Variants in DNM3 observed in about 807,000 individuals in gnomAD.
DNM3 encodes the protein dynamin-3.
A neutral mutation model predicts 101.6 loss-of-function variants in DNM3; 47 were observed. The ratio of observed to expected loss-of-function variants is 0.46; its 90% confidence interval spans 0.37 to 0.59. DNM3 has a LOEUF of 0.59. Ranked by LOEUF, DNM3 falls within the 20% of genes least tolerant of loss-of-function variation. The pLI is 0.00. For synonymous variants in DNM3, 385 were observed against 387.9 expected (o/e 0.99, Z 0.09); for missense variants, 849 against 1,085.7 (o/e 0.78, Z 3.06).
At chr1:171,951,661 C>T (rs191027633) in intron 2 of DNM3, among the ~76,000 whole-genome samples, 22 of 152,312 alleles carry the variant, frequency 1.4e-4, no homozygotes, top group Non-Finnish European at 1.5e-5. Context: ...GTTCCCCCAA[C>T]ATCCTTACTG....
intron 1 of DNM3, among the ~76,000 whole-genome samples, chr1:171,895,549 G>A (rs1283651625): frequency 1.3e-5 from 2 of 152,196 alleles, no homozygotes. Context: ...CCCTTTGTCA[G>A]ATGGGTAGAT....
At chr1:172,413,336 C>T (rs2071312185), downstream of DNM3, among the ~76,000 whole-genome samples, 2 of 152,194 alleles carry the variant, frequency 1.3e-5, no homozygotes, top group Non-Finnish European at 2.9e-5. Flanking sequence ...ACGCCATTCT[C>T]CTGCCTCAGC....
At chr1:172,174,575 C>T (rs760161622) in intron 14 of DNM3, among the ~76,000 whole-genome samples, 1 of 151,614 alleles carries the variant, frequency 6.6e-6, no homozygotes, top group Non-Finnish European at 1.5e-5. Context: ...ACAAATGTCT[C>T]AGTGTTAGAG....
At chr1:172,152,502 C>T (rs2058174528) in intron 14 of DNM3, among the ~76,000 whole-genome samples, 1 of 152,016 alleles carries the variant, frequency 6.6e-6, no homozygotes, top group South Asian at 2.1e-4. Context: ...CCCTGTGATT[C>T]TTATACGGGT....
chr1:172,020,667 T>G (rs1179939571), intron 4 of DNM3, among the ~76,000 whole-genome samples: 1 of 127,204 alleles, frequency 7.9e-6, no homozygotes, highest in East Asian at 2.3e-4. Context: ...GAGCTTGCAG[T>G]GGGCCGAGAT....
chr1:172,374,698 C>G (rs1314426805), intron 17 of DNM3, among the ~76,000 whole-genome samples: 1 of 152,024 alleles, frequency 6.6e-6, no homozygotes, highest in East Asian at 1.9e-4. Flanking sequence ...ATTATGACGG[C>G]CCATGCTGCT....
chr1:172,089,257 G>A (rs2053745737), intron 12 of DNM3, among the ~76,000 whole-genome samples: 1 of 152,110 alleles, frequency 6.6e-6, no homozygotes, highest in Admixed American at 6.5e-5. Flanking sequence ...GTAGGCTTTT[G>A]ATAACAAGAA....
intron 15 of DNM3, among the ~76,000 whole-genome samples, chr1:172,307,994 C>A (rs946716776): frequency 6.6e-6 from 1 of 151,932 alleles, no homozygotes; most frequent in African/African-American, 2.4e-5. Flanking sequence ...ACGCTGTGCA[C>A]ATGTACCCTA....
chr1:172,081,321 CA>C (rs1231754033), intron 11 of DNM3, among the ~76,000 whole-genome samples: 5 of 152,072 alleles, frequency 3.3e-5, no homozygotes, highest in Non-Finnish European at 5.9e-5. Flanking sequence ...GTTGGCTGAT[CA>C]AATGCTTTCC....
chr1:171,940,751 T>C (rs1209360220), intron 2 of DNM3, among the ~76,000 whole-genome samples: 1 of 152,168 alleles, frequency 6.6e-6, no homozygotes, highest in Non-Finnish European at 1.5e-5. Context: ...TCAAAACCCT[T>C]TTTCTTGACA....
intron 17 of DNM3, among the ~76,000 whole-genome samples, chr1:172,375,774 T>A (rs190745488): frequency 7.4e-4 from 112 of 150,938 alleles, no homozygotes; most frequent in Middle Eastern, 3.4e-3. Context: ...CTTGGGAGGC[T>A]GAGGCGGGAC....
chr1:172,225,109 C>T (rs1458906970), intron 14 of DNM3, among the ~76,000 whole-genome samples: 1 of 147,988 alleles, frequency 6.8e-6, no homozygotes, highest in Non-Finnish European at 1.5e-5. Context: ...TCTTTGGTGG[C>T]ATGTCCCTCC....
chr1:172,169,236 A>G (rs1558670402), intron 14 of DNM3, among the ~76,000 whole-genome samples: 3 of 151,866 alleles, frequency 2.0e-5, no homozygotes, highest in East Asian at 1.9e-4. Context: ...CCAATTCTCC[A>G]TCAACCTGAA....
chr1:171,977,737 G>T (rs779198002), intron 2 of DNM3, among the ~76,000 whole-genome samples: 37 of 151,998 alleles, frequency 2.4e-4, no homozygotes, highest in Admixed American at 3.3e-4. Flanking sequence ...TACTCTTTCA[G>T]GCTCCCTTGC....
chr1:172,084,621 AT>A (rs1309701003), intron 12 of DNM3, among the ~76,000 whole-genome samples: 2 of 152,204 alleles, frequency 1.3e-5, no homozygotes, highest in Non-Finnish European at 2.9e-5. Context: ...AATTAAAAAA[AT>A]ATGGTTGTAG....
rs1170747210 is a variant in DNM3 at position 172,253,528 on chromosome 1, T to TG, written c.1660-45_1660-44insG. The stretch of plus-strand genomic sequence containing the variant: ...TCCTCTCCTCTCCTCTCCTCTCCTC[T>TG]CCTCTCCTCTCCTCTCCCTCTTTTC... On this transcript the variant is annotated intron_variant, in intron 14 of 20. Transcript: ENST00000627582. The TG allele has an allele frequency of 6.1e-6, 7 of 1,152,948 alleles. 1 individual carries two copies. Among genetic ancestry groups the TG allele is most frequent in the Non-Finnish European group, 8.5e-6 (7 of 826,016 alleles). The allele number at this position is 1,152,948 out of a possible 1,614,324, so 71.4% of individuals were successfully genotyped here. A position where few individuals can be genotyped will look rare whatever the true frequency, so the allele number is the denominator to read the frequency against.
chr1:172,252,278 T>G lies in DNM3; in HGVS notation c.1660-1295T>G, dbSNP rs549171517. Among the ~76,000 whole-genome samples the G allele has an allele frequency of 2.2e-4, 33 of 152,256 alleles. 1 individual carries two copies. In the South Asian group the frequency reaches 5.4e-3, roughly 25 times the overall value. On this transcript the variant is annotated intron_variant, in intron 14 of 20. Coordinates refer to ENST00000627582, the MANE Select transcript of DNM3 (RefSeq NM_015569.5). Reference sequence around the variant, plus strand: ...ATGCTACCTTTTTGCTATTCTAATGTGCTCTGCCCAACTTTTTTCTGATTA... The same window carrying G: ...ATGCTACCTTTTTGCTATTCTAATGGGCTCTGCCCAACTTTTTTCTGATTA...
chr1:172,211,480 G>A (rs2060512271), intron 14 of DNM3, among the ~76,000 whole-genome samples: 1 of 152,056 alleles, frequency 6.6e-6, no homozygotes, highest in African/African-American at 2.4e-5. Context: ...ACTTCTTAAT[G>A]CATTTTGCAG....
chr1:172,283,780 A>AAAAAAAAAAAAAAAAAAAAG lies in DNM3; in HGVS notation c.1770-24945_1770-24944insAAAAAAAAAAAAAAAAGAAA, dbSNP rs1553221113. ...ATCTCAAAAAAAAAAAAAAAAAAAA[A>AAAAAAAAAAAAAAAAAAAAG]AAAGAAAGAAAGAAAGAAAACCAAG... On this transcript the variant is annotated intron_variant, in intron 15 of 20. Transcript: ENST00000627582. Among the ~76,000 whole-genome samples, 17 of 119,092 alleles carry AAAAAAAAAAAAAAAAAAAAG rather than the reference A, an allele frequency of 1.4e-4. 1 individual carries two copies. The highest frequency in any genetic ancestry group is 5.4e-4 in the African/African-American group (16 of 29,640). The allele number at this position is 119,092 out of a possible 152,430, so 78.1% of individuals were successfully genotyped here.
Sources: allele counts gnomAD v4.1 joint callset (sites outside exome capture counted in the v4.1 genomes callset), GRCh38; gene constraint gnomAD v4.1.1; transcripts MANE v1.5; gene names NCBI Gene and HGNC (gene_info 2026-07-23, HGNC 2026-07-21).